PTPRK: variants seen among roughly 807,000 people sequenced by gnomAD.
The protein encoded by PTPRK is protein tyrosine phosphatase receptor type K, also known as receptor-type tyrosine-protein phosphatase kappa.
A neutral mutation model predicts 178.0 loss-of-function variants in PTPRK; 75 were observed. The ratio of observed to expected loss-of-function variants is 0.42; its 90% CI spans 0.35 to 0.51. PTPRK has a LOEUF of 0.51. PTPRK is among the 20% of genes least tolerant of loss of function. The pLI, the probability that PTPRK is intolerant of heterozygous loss-of-function variation, is 0.02. For synonymous variants in PTPRK, 637 were observed against 620.6 expected (o/e 1.03, Z -0.39); for missense variants, 1,441 against 1,797.8 (o/e 0.80, Z 3.59).
intron 3 of PTPRK, among the ~76,000 whole-genome samples, chr6:128,311,195 T>C (rs17055612): frequency 0.091 from 13,831 of 152,180 alleles, 768 homozygotes; most frequent in African/African-American, 0.15. Context: ...ATGCCTTGCT[T>C]TCCACAGGTC....
At chr6:128,136,379 G>C (rs1170668451) in intron 7 of PTPRK, among the ~76,000 whole-genome samples, 1 of 152,172 alleles carries the variant, frequency 6.6e-6, no homozygotes, top group East Asian at 1.9e-4. Context: ...GCTATTTACT[G>C]ATCAAACACA....
chr6:128,065,527 C>T (rs1781598290), intron 12 of PTPRK, among the ~76,000 whole-genome samples: 1 of 152,114 alleles, frequency 6.6e-6, no homozygotes, highest in Non-Finnish European at 1.5e-5. Flanking sequence ...CAGCGTACAT[C>T]CCTGAATACA....
chr6:128,261,756 C>A (rs754850454), intron 3 of PTPRK, among the ~76,000 whole-genome samples: 2 of 152,068 alleles, frequency 1.3e-5, no homozygotes, highest in African/African-American at 4.8e-5. Flanking sequence ...CATTGAACAG[C>A]AGAACTTTTA....
chr6:128,515,584 G>A (rs1403273612), intron 1 of PTPRK, among the ~76,000 whole-genome samples: 5 of 149,530 alleles, frequency 3.3e-5, no homozygotes, highest in South Asian at 4.2e-4. Context: ...ATGTGTTTGC[G>A]CAAAGGCAAA....
rs9491908 is a variant in PTPRK at position 128,051,540 on chromosome 6, T to G, written c.2194+13218A>C. ...TTTCCATGCTGCTTAAAATATTAAC[T>G]ATCGTTTATAAGCCCCTTCTTGGTA... On this transcript the variant is annotated intron_variant, in intron 13 of 29. Coordinates refer to ENST00000368226, the MANE Select transcript of PTPRK (RefSeq NM_002844.4). Among the ~76,000 whole-genome samples, 348 of 152,320 alleles carry G rather than the reference T, an allele frequency of 2.3e-3. 1 individual carries two copies. Among genetic ancestry groups the G allele is most frequent in the African/African-American group, 8.0e-3 (332 of 41,572 alleles).
intron 3 of PTPRK, among the ~76,000 whole-genome samples, chr6:128,244,667 T>C (rs1815129969): frequency 6.6e-6 from 1 of 152,230 alleles, no homozygotes; most frequent in Admixed American, 6.5e-5. Context: ...CCAGCCATTT[T>C]ATTCTTTCCC....
intron 21 of PTPRK, among the ~76,000 whole-genome samples, chr6:127,989,145 T>G (rs1776303043): frequency 6.6e-6 from 1 of 152,116 alleles, no homozygotes; most frequent in Non-Finnish European, 1.5e-5. Flanking sequence ...GTATTCAGGT[T>G]TTCCTTATTA....
chr6:128,462,046 C>T (rs1203634677), intron 1 of PTPRK, among the ~76,000 whole-genome samples: 1 of 151,984 alleles, frequency 6.6e-6, no homozygotes, highest in Non-Finnish European at 1.5e-5. Context: ...CCAGGCTATA[C>T]TCCAACTCCT....
chr6:127,997,058 AG>A, intron 16 of PTPRK, 70 bp from the exon 17 acceptor site: 1 of 1,489,006 alleles, frequency 6.7e-7, no homozygotes, highest in Non-Finnish European at 9.2e-7. Flanking sequence ...TCTGTTCTGA[AG>A]CCCCAAATAG....
chr6:128,042,788 A>G (rs1161051014), intron 13 of PTPRK, among the ~76,000 whole-genome samples: 3 of 152,098 alleles, frequency 2.0e-5, no homozygotes, highest in Non-Finnish European at 2.9e-5. Flanking sequence ...TATCATGATT[A>G]CAAATAACTT....
intron 8 of PTPRK, among the ~76,000 whole-genome samples, chr6:128,086,542 T>C (rs910847274): frequency 2.0e-5 from 3 of 152,156 alleles, no homozygotes; most frequent in African/African-American, 7.2e-5. Flanking sequence ...TAAAATTATG[T>C]CCTTTTATTA....
At chr6:128,089,421 A>C (rs541252458) in intron 8 of PTPRK, among the ~76,000 whole-genome samples, 4 of 152,302 alleles carry the variant, frequency 2.6e-5, no homozygotes, top group South Asian at 4.1e-4. Context: ...TGATTTAAAA[A>C]ACCCCTTCAT....
At position 128,277,015 on chromosome 6, in the gene PTPRK, C is replaced by T. The variant is rs74420210; in HGVS notation, c.496-34413G>A. Among the ~76,000 whole-genome samples, 948 of 152,102 alleles carry T rather than the reference C, an allele frequency of 6.2e-3. 3 individuals are homozygous for T. Among genetic ancestry groups the T allele is most frequent in the Non-Finnish European group, 8.3e-3 (561 of 67,990 alleles). ...TGTAGCATGCAATACCACAGGAGCA[C>T]TAGCTTAGAAAAGTTTTTCTAAATC... On this transcript the variant is annotated intron_variant, in intron 3 of 29. Transcript: ENST00000368226.
chr6:128,367,927 T>C (rs1490617559), intron 2 of PTPRK, among the ~76,000 whole-genome samples: 4 of 152,194 alleles, frequency 2.6e-5, no homozygotes, highest in African/African-American at 4.8e-5. Context: ...ACAATGTTAG[T>C]TCAATTTTAT....
chr6:128,460,189 T>G (rs530601129), intron 1 of PTPRK, among the ~76,000 whole-genome samples: 59 of 152,260 alleles, frequency 3.9e-4, no homozygotes, highest in African/African-American at 1.1e-3. Context: ...TGGAGAGTAA[T>G]AATACATTAT....
chr6:128,321,656 T>G (rs1562279873), intron 3 of PTPRK: 3 of 614,318 alleles, frequency 4.9e-6, no homozygotes, highest in Non-Finnish European at 8.6e-6. Flanking sequence ...GTCTGAAGAT[T>G]ACAATAAACT....
At chr6:128,467,877 T>C (rs932640520) in intron 1 of PTPRK, among the ~76,000 whole-genome samples, 5 of 151,176 alleles carry the variant, frequency 3.3e-5, no homozygotes, top group African/African-American at 7.3e-5. Context: ...AATCCTCTCA[T>C]TGGCCATTAA....
chr6:128,120,692 G>T (rs985314784), intron 7 of PTPRK, among the ~76,000 whole-genome samples: 2 of 151,854 alleles, frequency 1.3e-5, no homozygotes, highest in East Asian at 1.9e-4. Flanking sequence ...TGAAACATCA[G>T]GTGTGTTGGA....
intron 1 of PTPRK, among the ~76,000 whole-genome samples, chr6:128,509,845 T>C (rs571834213): frequency 1.3e-5 from 2 of 152,280 alleles, no homozygotes; most frequent in South Asian, 4.1e-4. Flanking sequence ...GCATTGGTTC[T>C]GAGGTAGGTT....
Sources: gnomAD v4.1 joint callset for allele counts (sites outside exome capture counted in the v4.1 genomes callset) on GRCh38, gnomAD v4.1.1 for gene constraint, MANE v1.5 for transcripts, NCBI Gene and HGNC (gene_info 2026-07-23, HGNC 2026-07-21) for gene names.